The following CDH13 variants were observed in gnomAD, a reference collection of about 807,000 sequenced individuals.
CDH13 encodes the protein cadherin-13.
A neutral mutation model predicts 63.8 loss-of-function variants in CDH13; 24 were observed. The observed-to-expected ratio is 0.38, with a 90% CI of 0.27 to 0.53. The LOEUF is 0.53. Ranked by LOEUF, CDH13 falls within the 20% of genes least tolerant of loss-of-function variation. The pLI, the probability that CDH13 is intolerant of heterozygous loss-of-function variation, is 0.85. For synonymous variants in CDH13, 503 were observed against 355.3 expected, an observed-to-expected ratio of 1.42 and a Z score of -4.67; for missense variants, 1,049 against 903.1, an observed-to-expected ratio of 1.16 and a Z score of -2.07.
At chr16:82,868,502 A>C (rs1034961621) in intron 2 of CDH13, among the ~76,000 whole-genome samples, 1 of 152,248 alleles carries the variant, frequency 6.6e-6, no homozygotes, top group Non-Finnish European at 1.5e-5. Flanking sequence ...AAATGTTTAG[A>C]GATCCTTCCA....
chr16:83,243,911 A>G (rs1904724879), intron 5 of CDH13, among the ~76,000 whole-genome samples: 1 of 152,148 alleles, frequency 6.6e-6, no homozygotes, highest in South Asian at 2.1e-4. Flanking sequence ...TAACATCACC[A>G]TTTGAAGTGT....
Position 82,966,884 on chromosome 16 carries a change from C to T in CDH13, c.158-65126C>T, listed in dbSNP as rs141587380. 7.8e-4 allele frequency among the ~76,000 whole-genome samples: 118 copies of T among 152,222 alleles called. 1 individual carries two copies. The highest frequency in any genetic ancestry group is 2.7e-3 in the African/African-American group (111 of 41,550). ...AACAATGATCAAATCAGCAAATTAA[C>T]GCTATTAAAAATTATCTAATCAACA... On this transcript the variant is annotated intron_variant, in intron 2 of 13. Coordinates refer to ENST00000567109, the MANE Select transcript of CDH13 (RefSeq NM_001257.5).
intron 2 of CDH13, among the ~76,000 whole-genome samples, chr16:82,971,813 C>A (rs1264325795): frequency 6.6e-6 from 1 of 152,154 alleles, no homozygotes; most frequent in Admixed American, 6.5e-5. Context: ...TAAATGCTAC[C>A]TTTTCCTGAT....
At chr16:82,823,887 A>G (rs188107688) in intron 1 of CDH13, 1 of 152,188 alleles carries the variant, frequency 6.6e-6, no homozygotes, top group Non-Finnish European at 1.5e-5. Context: ...AAATTCATGT[A>G]TTCTCTTTCT....
At chr16:83,213,923 G>C (rs970120818) in intron 4 of CDH13, among the ~76,000 whole-genome samples, 4 of 152,054 alleles carry the variant, frequency 2.6e-5, no homozygotes, top group African/African-American at 9.7e-5. Context: ...CTGTAAAAAC[G>C]CACCAATCTG....
chr16:82,659,257 A>G (rs1911654661), intron 1 of CDH13, among the ~76,000 whole-genome samples: 1 of 152,232 alleles, frequency 6.6e-6, no homozygotes, highest in African/African-American at 2.4e-5. Context: ...CACTGGGTTT[A>G]GAATGCTTGC....
intron 2 of CDH13, among the ~76,000 whole-genome samples, chr16:83,014,717 G>A (rs1914514335): frequency 8.4e-6 from 1 of 119,442 alleles, no homozygotes; most frequent in Non-Finnish European, 1.6e-5. Context: ...GGCAACAGAG[G>A]GAGACTCCAT....
chr16:83,551,417 G>C (rs537478839), intron 7 of CDH13, among the ~76,000 whole-genome samples: 32 of 152,270 alleles, frequency 2.1e-4, no homozygotes, highest in African/African-American at 7.2e-4. Flanking sequence ...GCTTTACATA[G>C]TCAAAGTCAA....
intron 6 of CDH13, among the ~76,000 whole-genome samples, chr16:83,435,806 C>T (rs767503084): frequency 6.6e-6 from 1 of 152,168 alleles, no homozygotes; most frequent in African/African-American, 2.4e-5. Context: ...TCTGCATTTC[C>T]TGCTGTCTCT....
chr16:83,353,792 C>G (rs985735173), intron 6 of CDH13, among the ~76,000 whole-genome samples: 1 of 152,128 alleles, frequency 6.6e-6, no homozygotes, highest in Non-Finnish European at 1.5e-5. Flanking sequence ...CCTTTGTATT[C>G]TGGGTGAACT....
chr16:83,037,648 T>A (rs534620394), intron 3 of CDH13, among the ~76,000 whole-genome samples: 1 of 152,234 alleles, frequency 6.6e-6, no homozygotes, highest in African/African-American at 2.4e-5. Context: ...CCTAGGGACA[T>A]CTTTATAGAG....
At chr16:83,260,780 C>G (rs968383618) in intron 5 of CDH13, among the ~76,000 whole-genome samples, 1 of 152,122 alleles carries the variant, frequency 6.6e-6, no homozygotes, top group Non-Finnish European at 1.5e-5. Flanking sequence ...CATTTAGAGA[C>G]TGATTATGTC....
intron 10 of CDH13, among the ~76,000 whole-genome samples, chr16:83,740,631 C>A (rs1226482880): frequency 6.6e-6 from 1 of 152,164 alleles, no homozygotes; most frequent in Non-Finnish European, 1.5e-5. Flanking sequence ...TGTGCTAGAG[C>A]CTCATGCAGA....
intron 1 of CDH13, among the ~76,000 whole-genome samples, chr16:82,753,818 C>T (rs1038183381): frequency 6.6e-6 from 1 of 152,188 alleles, no homozygotes. Flanking sequence ...GTCCAAACAT[C>T]AAGAGAGAAG....
chr16:83,296,482 G>A (rs1314440106), intron 5 of CDH13, among the ~76,000 whole-genome samples: 1 of 152,160 alleles, frequency 6.6e-6, no homozygotes, highest in African/African-American at 2.4e-5. Context: ...GGAAAGGGGA[G>A]AGGCATAAGA....
intron 2 of CDH13, among the ~76,000 whole-genome samples, chr16:82,875,574 T>G (rs1430328319): frequency 1.3e-5 from 2 of 152,206 alleles, no homozygotes; most frequent in African/African-American, 4.8e-5. Flanking sequence ...CATTTTGTTT[T>G]GTTTTAATGT....
At chr16:83,238,721 A>G (rs7198380) in intron 5 of CDH13, among the ~76,000 whole-genome samples, 150,831 of 152,272 alleles carry the variant, frequency 0.99, 74,724 homozygotes, top group Middle Eastern at 1. Flanking sequence ...ACATTTAACC[A>G]GTACCTCCAT....
In CDH13 at chr16:82,719,470, A is replaced by T. The variant is rs1407820543; in HGVS notation, c.45+92333A>T. 8.8e-6 allele frequency: 4 copies of T among 455,740 alleles called. No homozygotes were observed. In the Admixed American group the frequency reaches 9.4e-5, roughly 11 times the overall value. The allele number at this position is 455,740 out of a possible 1,614,324, so 28.2% of individuals were successfully genotyped here. ...ACTTGCAGAAGGAAGGAATGATGCCAACTTCGTAAGTTACATGAGATGTGA... is the reference window on the plus strand; with the variant it reads ...ACTTGCAGAAGGAAGGAATGATGCCTACTTCGTAAGTTACATGAGATGTGA... On this transcript the variant is annotated intron_variant, in intron 1 of 13. Transcript: ENST00000567109.
chr16:82,781,066 C>G (rs1049907430), intron 1 of CDH13, among the ~76,000 whole-genome samples: 1 of 152,222 alleles, frequency 6.6e-6, no homozygotes, highest in Non-Finnish European at 1.5e-5. Context: ...CCTTATTTCC[C>G]TAGGCATTGA....
Sources: allele counts gnomAD v4.1 joint callset (sites outside exome capture counted in the v4.1 genomes callset), GRCh38; gene constraint gnomAD v4.1.1; transcripts MANE v1.5; gene names NCBI Gene and HGNC (gene_info 2026-07-23, HGNC 2026-07-21).